USP34: variants seen among roughly 807,000 people sequenced by gnomAD.
USP34 encodes the protein ubiquitin specific peptidase 34.
A neutral mutation model predicts 460.3 loss-of-function variants in USP34; 70 were observed. The observed-to-expected ratio is 0.15, with a 90% CI of 0.13 to 0.19. The LOEUF is 0.19. USP34 is among the 10% of genes least tolerant of loss of function. The probability of loss-of-function intolerance (pLI) is 1.00; values close to 1 mark genes in which losing one functional copy is unlikely to be tolerated. For missense variants in USP34, 3,985 were observed against 4,236.2 expected (o/e 0.94, Z 1.65); for synonymous variants, 1,647 against 1,405.3 (o/e 1.17, Z -3.85).
At chr2:61,245,687 G>C (rs776042411) in intron 50 of USP34, among the ~76,000 whole-genome samples, 1 of 151,972 alleles carries the variant, frequency 6.6e-6, no homozygotes, top group African/African-American at 2.4e-5. Flanking sequence ...AAAAGGAAAA[G>C]GCACCATGGA....
chr2:61,312,879 G>A (rs570855777), intron 25 of USP34, among the ~76,000 whole-genome samples: 1 of 152,232 alleles, frequency 6.6e-6, no homozygotes, highest in South Asian at 2.1e-4. Flanking sequence ...AACACTTCTG[G>A]CTGAGAACCA....
chr2:61,369,931 T>C (rs1281233200), intron 10 of USP34, among the ~76,000 whole-genome samples: 1 of 150,324 alleles, frequency 6.7e-6, no homozygotes, highest in East Asian at 1.9e-4. Context: ...ACATGTAATA[T>C]ATTTTTTATA....
chr2:61,413,195 A>ACCAT (rs1467346057), intron 2 of USP34, among the ~76,000 whole-genome samples: 1 of 152,022 alleles, frequency 6.6e-6, no homozygotes, highest in Non-Finnish European at 1.5e-5. Flanking sequence ...GGAGATTGAG[A>ACCAT]CCATCCTGGC....
At chr2:61,424,410 T>G (rs1164788679) in intron 1 of USP34, among the ~76,000 whole-genome samples, 1 of 152,224 alleles carries the variant, frequency 6.6e-6, no homozygotes, top group Admixed American at 6.5e-5. Context: ...GGTGCATGAC[T>G]GTACTTGTAC....
At position 61,344,048 on chromosome 2, in the gene USP34, C is replaced by T. The variant is rs1691685626; in HGVS notation, c.2286-19G>A. 1 of 1,606,712 alleles carries T rather than the reference C, an allele frequency of 6.2e-7. No homozygotes were observed. The highest frequency in any genetic ancestry group is 8.5e-7 in the Non-Finnish European group (1 of 1,174,556). On this transcript the variant is annotated intron_variant, in intron 15 of 79. Coordinates refer to ENST00000398571, the MANE Select transcript of USP34 (RefSeq NM_014709.4). Reference sequence around the variant, plus strand: ...CATATGCCTACAAAACAGAGAAAAGCACAAAGTTAGTAATTACGAATGTGA... The same window carrying T: ...CATATGCCTACAAAACAGAGAAAAGTACAAAGTTAGTAATTACGAATGTGA...
At chr2:61,441,900 C>T (rs1694976918) in intron 1 of USP34, among the ~76,000 whole-genome samples, 1 of 145,668 alleles carries the variant, frequency 6.9e-6, no homozygotes, top group East Asian at 2.0e-4. Flanking sequence ...GTAACCAAAA[C>T]AGCATGGTAC....
intron 10 of USP34, among the ~76,000 whole-genome samples, chr2:61,366,184 A>G (rs1259645566): frequency 2.6e-5 from 4 of 152,240 alleles, no homozygotes; most frequent in Non-Finnish European, 4.4e-5. Flanking sequence ...TTGGCCTCCC[A>G]AAGTGCTGGG....
intron 27 of USP34, among the ~76,000 whole-genome samples, chr2:61,302,153 C>G (rs1239806045): frequency 6.6e-6 from 1 of 151,964 alleles, no homozygotes; most frequent in South Asian, 2.1e-4. Context: ...ATGATTAGAG[C>G]AGGAAAATTA....
At chr2:61,188,844 G>C in intron 79 of USP34, 66 bp downstream of exon 79, 1 of 1,590,350 alleles carries the variant, frequency 6.3e-7, no homozygotes, top group Non-Finnish European at 8.5e-7. Context: ...TCTTAAACCA[G>C]TTACACCAAG....
intron 5 of USP34, among the ~76,000 whole-genome samples, chr2:61,384,297 T>C (rs1386680439): frequency 2.0e-5 from 3 of 152,194 alleles, no homozygotes; most frequent in African/African-American, 7.2e-5. Flanking sequence ...TTTTCAAAAA[T>C]AGTAAGAATA....
At chr2:61,421,454 A>G (rs1456675952) in intron 1 of USP34, among the ~76,000 whole-genome samples, 1 of 152,166 alleles carries the variant, frequency 6.6e-6, no homozygotes, top group Non-Finnish European at 1.5e-5. Flanking sequence ...GAACATAACC[A>G]TTCTTATAAT....
At position 61,314,683 on chromosome 2, in the gene USP34, T is replaced by C. The variant is rs769808228; in HGVS notation, c.3444A>G (p.Ile1148Met). Reference protein sequence around the residue: ...FISKCMESLMIASSSLEQESH... With the variant: ...FISKCMESLMMASSSLEQESH... Reference sequence around the variant, plus strand: ...ATTCCTGTTCAAGACTGCTAGAAGCTATCATAAGACTCTCCATGCACTTAC... The same window carrying C: ...ATTCCTGTTCAAGACTGCTAGAAGCCATCATAAGACTCTCCATGCACTTAC... The change falls in exon 25 of 80, where the codon ATA becomes ATG. Residue 1148 changes from isoleucine to methionine, a missense_variant. Transcript: ENST00000398571. The C allele has an allele frequency of 3.2e-5, 52 of 1,601,862 alleles. No homozygotes were observed. The East Asian group carries it at 6.7e-4, about 21-fold the overall frequency.
chr2:61,356,848 G>A (rs1165287045), intron 10 of USP34, among the ~76,000 whole-genome samples: 1 of 152,136 alleles, frequency 6.6e-6, no homozygotes, highest in Non-Finnish European at 1.5e-5. Flanking sequence ...AATGATTAAA[G>A]GGGATCAACT....
chr2:61,232,758 T>C (rs556462501), intron 57 of USP34, among the ~76,000 whole-genome samples: 1 of 151,850 alleles, frequency 6.6e-6, no homozygotes, highest in Non-Finnish European at 1.5e-5. Context: ...ACAATGTGCA[T>C]GACAATCTGT....
chr2:61,215,604 T>C (rs561751175), intron 67 of USP34, among the ~76,000 whole-genome samples: 11 of 152,286 alleles, frequency 7.2e-5, no homozygotes, highest in African/African-American at 2.2e-4. Flanking sequence ...ACAATGACCC[T>C]GGATGGAGGT....
intron 8 of USP34, 114 bp from the exon 9 acceptor site, chr2:61,370,693 T>C (rs1186587486): frequency 2.4e-6 from 2 of 818,992 alleles, no homozygotes; most frequent in Non-Finnish European, 3.9e-6. Context: ...TATAAAGAAT[T>C]AGATACAATC....
At chr2:61,435,405 C>A (rs1694785815) in intron 1 of USP34, among the ~76,000 whole-genome samples, 1 of 147,176 alleles carries the variant, frequency 6.8e-6, no homozygotes, top group Admixed American at 6.8e-5. Context: ...GATTTCTCAG[C>A]AGAATCCTTA....
chr2:61,297,328 A>T (rs1690059296), intron 29 of USP34, among the ~76,000 whole-genome samples: 1 of 152,246 alleles, frequency 6.6e-6, no homozygotes, highest in Non-Finnish European at 1.5e-5. Context: ...CATTTAGGAA[A>T]AGAGCCTGTT....
At chr2:61,334,476 T>C (rs999363572) in intron 18 of USP34, among the ~76,000 whole-genome samples, 14 of 152,180 alleles carry the variant, frequency 9.2e-5, no homozygotes, top group East Asian at 5.8e-4. Context: ...GATACTGACA[T>C]AGAAATCCTG....
Sources: gnomAD v4.1 joint callset for allele counts (sites outside exome capture counted in the v4.1 genomes callset) on GRCh38, gnomAD v4.1.1 for gene constraint, MANE v1.5 for transcripts, NCBI Gene and HGNC (gene_info 2026-07-23, HGNC 2026-07-21) for gene names.